MTR: variants seen among roughly 807,000 people sequenced by gnomAD.
MTR encodes the protein 5-methyltetrahydrofolate-homocysteine methyltransferase.
A neutral mutation model predicts 154.8 loss-of-function variants in MTR; 84 were observed. That is an observed-to-expected ratio of 0.54 (90% confidence interval 0.45 to 0.65). MTR has a LOEUF of 0.65. MTR is among the 30% of genes least tolerant of loss of function. The pLI is 0.00. For missense variants in MTR, 1,275 were observed against 1,570.2 expected, an observed-to-expected ratio of 0.81 and a Z score of 3.18; for synonymous variants, 554 against 553.9, an observed-to-expected ratio of 1.00 and a Z score of 0.00.
chr1:236,886,204 C>T, intron 26 of MTR, 88 bp from the exon 27 acceptor site: 1 of 1,058,612 alleles, frequency 9.4e-7, no homozygotes, highest in Non-Finnish European at 1.4e-6. Context: ...TCTTGCAAAG[C>T]TTACATACTG....
At chr1:236,873,875 A>G (rs778445080) in intron 23 of MTR, 35 bp downstream of exon 23, 7 of 1,581,736 alleles carry the variant, frequency 4.4e-6, no homozygotes, top group Non-Finnish European at 6.1e-6. Flanking sequence ...ATTTCTCTAA[A>G]TGTCATATCC....
intron 15 of MTR, among the ~76,000 whole-genome samples, chr1:236,846,623 C>G (rs1663590521): frequency 1.3e-5 from 2 of 152,068 alleles, no homozygotes; most frequent in Admixed American, 1.3e-4. Flanking sequence ...AGGAACATGG[C>G]GTGTCTTTCA....
At position 236,806,230 on chromosome 1, in the gene MTR, C is replaced by T; in HGVS notation, c.336C>T (p.His112=). The T allele has an allele frequency of 6.2e-7, 1 of 1,612,282 alleles. No individual in the cohort carries two copies. The stretch of plus-strand genomic sequence containing the variant: ...CCCAAGCTGACTATGGCCTTGAACA[C>T]TTGGTAAGAATTCCATTGTTCCATG... ...SIAQADYGLE[H]LAYRMNMCSA... Residue 112 remains histidine, a synonymous_variant, in exon 3 of 33, where the codon CAC becomes CAT. Coordinates refer to ENST00000366577, the MANE Select transcript of MTR (RefSeq NM_000254.3).
chr1:236,851,621 C>G (rs1663910597), intron 16 of MTR, among the ~76,000 whole-genome samples: 1 of 152,218 alleles, frequency 6.6e-6, no homozygotes, highest in Non-Finnish European at 1.5e-5. Context: ...AGGAGCAATG[C>G]TCTGGTATTC....
intron 1 of MTR, among the ~76,000 whole-genome samples, chr1:236,796,392 T>C (rs955078507): frequency 2.6e-5 from 4 of 152,196 alleles, no homozygotes; most frequent in Non-Finnish European, 5.9e-5. Flanking sequence ...ATGTTAGCTT[T>C]ATAACGAGCT....
intron 10 of MTR, 24 bp from the exon 11 acceptor site, chr1:236,826,805 A>G: frequency 6.2e-7 from 1 of 1,610,850 alleles, no homozygotes; most frequent in Non-Finnish European, 8.5e-7. Flanking sequence ...AACTTGCTGA[A>G]ACTTTGTCTC....
chr1:236,812,363 G>C (rs927701610), intron 5 of MTR, among the ~76,000 whole-genome samples: 13 of 152,382 alleles, frequency 8.5e-5, no homozygotes, highest in African/African-American at 3.1e-4. Context: ...CTCTGCATCA[G>C]TGTGGCATGT....
rs1036096326 is a variant in MTR at position 236,831,652 on chromosome 1, G to A, written c.1076-314G>A. On this transcript the variant is annotated intron_variant, in intron 12 of 32. Coordinates refer to ENST00000366577, the MANE Select transcript of MTR (RefSeq NM_000254.3). ...TTTGCCTCAGCCTCTTGGTTAAATA[G>A]GGGTTGATGATTATTTTTCCTTTTT... Among the ~76,000 whole-genome samples the A allele has an allele frequency of 3.3e-5, 5 of 152,228 alleles. No individual in the cohort carries two copies. The South Asian group carries it at 1.0e-3, about 32-fold the overall frequency.
At chr1:236,805,952 T>C (rs974856042) in intron 2 of MTR, among the ~76,000 whole-genome samples, 192 bp from the exon 3 acceptor site, 1 of 152,184 alleles carries the variant, frequency 6.6e-6, no homozygotes, top group Non-Finnish European at 1.5e-5. Flanking sequence ...TTCGTGTTTA[T>C]TTATTCATAC....
intron 6 of MTR, among the ~76,000 whole-genome samples, chr1:236,814,395 G>C: frequency 6.6e-6 from 1 of 152,168 alleles, no homozygotes; most frequent in Middle Eastern, 3.2e-3. Context: ...TAACAGGAGG[G>C]TTAAGCATTA....
At chr1:236,897,343 C>CACACACACACAT (rs1366033407) in intron 32 of MTR, among the ~76,000 whole-genome samples, 3 of 139,852 alleles carry the variant, frequency 2.1e-5, no homozygotes, top group Admixed American at 6.8e-5. Context: ...CACACACACA[C>CACACACACACAT]ATACAGCTTC....
intron 1 of MTR, among the ~76,000 whole-genome samples, chr1:236,798,122 T>C (rs1660505675): frequency 6.6e-6 from 1 of 152,202 alleles, no homozygotes; most frequent in Non-Finnish European, 1.5e-5. Context: ...AGAACAGTGC[T>C]GAGAAAGCCT....
At chr1:236,889,969 C>G (rs1478018284) in intron 28 of MTR, among the ~76,000 whole-genome samples, 3 of 152,038 alleles carry the variant, frequency 2.0e-5, no homozygotes, top group East Asian at 1.9e-4. Context: ...TTACTACCCC[C>G]ACTTCTCACT....
chr1:236,806,006 C>T, intron 2 of MTR, 138 bp from the exon 3 acceptor site: 1 of 737,958 alleles, frequency 1.4e-6, no homozygotes, highest in Admixed American at 2.1e-5. Flanking sequence ...TGCATCTCTA[C>T]CTTCTAATGC....
At chr1:236,841,106 G>A (rs772073128) in intron 15 of MTR, among the ~76,000 whole-genome samples, 1 of 152,146 alleles carries the variant, frequency 6.6e-6, no homozygotes, top group Non-Finnish European at 1.5e-5. Context: ...TTTTTAAGCT[G>A]ATTCTTGTAG....
intron 8 of MTR, chr1:236,820,152 G>T: frequency 1.3e-6 from 1 of 764,442 alleles, no homozygotes; most frequent in Non-Finnish European, 2.4e-6. Context: ...CGGTGGGTTT[G>T]ATGTGGTGGA....
chr1:236,874,929 T>A, intron 24 of MTR, 83 bp downstream of exon 24: 4 of 1,500,044 alleles, frequency 2.7e-6, no homozygotes, highest in Non-Finnish European at 3.7e-6. Context: ...CTGTGTTGTT[T>A]TGGATTTTCC....
chr1:236,854,201 G>A (rs1664071876), intron 18 of MTR, among the ~76,000 whole-genome samples: 1 of 152,156 alleles, frequency 6.6e-6, no homozygotes. Flanking sequence ...CAGCCTTACT[G>A]GTAGTAAGAC....
Position 236,838,540 on chromosome 1 carries a change from A to G in MTR, c.1456A>G (p.Arg486Gly), listed in dbSNP as rs1276939443. Residue 486 changes from arginine (R) to glycine (G), a missense_variant, in exon 15 of 33, where the codon AGG (arginine) becomes GGG (glycine). By Grantham distance (125) the Arg-to-Gly change is moderately radical. Transcript: ENST00000366577. Reference sequence around the variant, plus strand: ...AGAGGACGACTTCTTGGAGAAGGCCAGGAAGATTAAAAAGTATGGAGCTGC... The same window carrying G: ...AGAGGACGACTTCTTGGAGAAGGCCGGGAAGATTAAAAAGTATGGAGCTGC... ...EGEDDFLEKA[R>G]KIKKYGAAMV... 6.2e-7 allele frequency: 1 copy of G among 1,614,156 alleles called. No homozygotes were observed. The highest frequency in any genetic ancestry group is 8.5e-7 in the Non-Finnish European group (1 of 1,180,010).
Sources: gnomAD v4.1 joint callset for allele counts (sites outside exome capture counted in the v4.1 genomes callset) on GRCh38, gnomAD v4.1.1 for gene constraint, MANE v1.5 for transcripts, NCBI Gene and HGNC (gene_info 2026-07-23, HGNC 2026-07-21) for gene names.